The following PRKN variants were observed in gnomAD, a reference collection of about 807,000 sequenced individuals.
The protein encoded by PRKN is E3 ubiquitin-protein ligase parkin.
A neutral mutation model predicts 59.5 loss-of-function variants in PRKN; 56 were observed. The observed-to-expected ratio is 0.94, with a 90% CI of 0.76 to 1.18. PRKN has a LOEUF of 1.18. Ranked by LOEUF, PRKN falls within the 50% of genes most tolerant of loss-of-function variation. The probability of loss-of-function intolerance (pLI) is 0.00; values close to 1 mark genes in which losing one functional copy is unlikely to be tolerated. For missense variants in PRKN, 657 were observed against 596.4 expected (o/e 1.10, Z -1.06); for synonymous variants, 250 against 222.1 (o/e 1.13, Z -1.12).
intron 2 of PRKN, among the ~76,000 whole-genome samples, chr6:162,281,616 T>G (rs954581172): frequency 1.3e-5 from 2 of 152,110 alleles, no homozygotes; most frequent in African/African-American, 4.8e-5. Context: ...AATCTTTGTT[T>G]TGGAATATGA....
intron 2 of PRKN, among the ~76,000 whole-genome samples, chr6:162,360,803 C>T (rs1282438622): frequency 2.6e-5 from 4 of 152,096 alleles, no homozygotes; most frequent in Non-Finnish European, 4.4e-5. Context: ...CTCTGCTTAG[C>T]GATGGAGTTA....
intron 6 of PRKN, among the ~76,000 whole-genome samples, chr6:161,835,239 G>T (rs1411119329): frequency 1.3e-5 from 2 of 152,120 alleles, no homozygotes; most frequent in Non-Finnish European, 2.9e-5. Flanking sequence ...TAACCCACAG[G>T]ATGGGATGCT....
intron 1 of PRKN, among the ~76,000 whole-genome samples, chr6:162,558,424 G>A (rs1298173025): frequency 6.7e-6 from 1 of 150,068 alleles, no homozygotes; most frequent in African/African-American, 2.4e-5. Flanking sequence ...CCGCCTCCTG[G>A]GTTCAAGCGA....
chr6:162,656,702 A>G (rs1340149081), intron 1 of PRKN, among the ~76,000 whole-genome samples: 1 of 152,134 alleles, frequency 6.6e-6, no homozygotes, highest in Admixed American at 6.5e-5. Flanking sequence ...TCTTATGACC[A>G]CCACCATCCC....
intron 1 of PRKN, among the ~76,000 whole-genome samples, chr6:162,539,967 G>A (rs1206178442): frequency 6.6e-6 from 1 of 152,158 alleles, no homozygotes; most frequent in Non-Finnish European, 1.5e-5. Context: ...CTGTCGCCCA[G>A]GCTAGAGTGC....
chr6:162,486,339 A>G (rs1792540152), intron 1 of PRKN, among the ~76,000 whole-genome samples: 1 of 152,212 alleles, frequency 6.6e-6, no homozygotes, highest in Non-Finnish European at 1.5e-5. Flanking sequence ...TTTGTACTCA[A>G]TAATGCACAA....
intron 6 of PRKN, among the ~76,000 whole-genome samples, chr6:161,910,004 G>T (rs1024894092): frequency 6.6e-6 from 1 of 152,162 alleles, no homozygotes; most frequent in Non-Finnish European, 1.5e-5. Context: ...GCAACATGAA[G>T]GGGAATTTGG....
At chr6:161,918,246 C>T (rs1778648905) in intron 6 of PRKN, among the ~76,000 whole-genome samples, 3 of 152,190 alleles carry the variant, frequency 2.0e-5, no homozygotes, top group African/African-American at 7.2e-5. Flanking sequence ...CCACGCAGAA[C>T]ATCGTCATTG....
At chr6:161,779,750 TTTGA>T (rs1448781542) in intron 7 of PRKN, among the ~76,000 whole-genome samples, 3 of 152,126 alleles carry the variant, frequency 2.0e-5, no homozygotes, top group Non-Finnish European at 4.4e-5. Context: ...GACTATAAAC[TTTGA>T]TTTTCTATTT....
intron 1 of PRKN, among the ~76,000 whole-genome samples, chr6:162,719,647 T>G (rs1021882103): frequency 6.6e-6 from 1 of 152,136 alleles, no homozygotes; most frequent in Non-Finnish European, 1.5e-5. Context: ...AGGGAATGTC[T>G]CCAGTAGGAG....
intron 7 of PRKN, among the ~76,000 whole-genome samples, chr6:161,606,773 A>G (rs991552185): frequency 6.6e-6 from 1 of 152,222 alleles, no homozygotes; most frequent in Non-Finnish European, 1.5e-5. Flanking sequence ...CAGAGAAAAG[A>G]AAGGGCCCAA....
At position 161,576,730 on chromosome 6, in the gene PRKN, A is replaced by T. The variant is rs1232170039; in HGVS notation, c.872-7314T>A. Reference sequence around the variant, plus strand: ...TAGCACTGTGTGGAAAAGAGAAAATACAACAGTATAAAGGGCAGGGTTGGC... The same window carrying T: ...TAGCACTGTGTGGAAAAGAGAAAATTCAACAGTATAAAGGGCAGGGTTGGC... On this transcript the variant is annotated intron_variant, in intron 7 of 11. Coordinates refer to ENST00000366898, the MANE Select transcript of PRKN (RefSeq NM_004562.3). The surrounding 1 kb of genome is among the most constrained non-coding windows in gnomAD (Gnocchi z 4.6). Among the ~76,000 whole-genome samples the T allele has an allele frequency of 6.6e-6, 1 of 152,226 alleles. No individual in the cohort carries two copies. The highest frequency in any genetic ancestry group is 2.4e-5 in the African/African-American group (1 of 41,464).
rs752711510 is a variant in PRKN, at chr6:161,786,870, T to G, written c.735-962A>C. On this transcript the variant is annotated intron_variant, in intron 6 of 11. Transcript: ENST00000366898. ...ATGGGATTACTAATTAATCAATATA[T>G]ATAAATCCTAATTTTTTTTATCCCT... Among the ~76,000 whole-genome samples, 38 of 151,382 alleles carry G rather than the reference T, an allele frequency of 2.5e-4. 1 individual carries two copies. Among genetic ancestry groups the G allele is most frequent in the African/African-American group, 8.7e-4 (36 of 41,388 alleles).
chr6:161,654,457 C>T (rs1177105643), intron 7 of PRKN, among the ~76,000 whole-genome samples: 1 of 152,108 alleles, frequency 6.6e-6, no homozygotes, highest in African/African-American at 2.4e-5. Flanking sequence ...GAAGCCTGGC[C>T]CCTGCAATGC....
chr6:162,599,877 G>A (rs1423608337), intron 1 of PRKN, among the ~76,000 whole-genome samples: 1 of 152,050 alleles, frequency 6.6e-6, no homozygotes, highest in Non-Finnish European at 1.5e-5. Context: ...TTCTAAAGGT[G>A]GAAATCCTAA....
intron 6 of PRKN, among the ~76,000 whole-genome samples, chr6:161,858,438 C>T (rs73016555): frequency 1.4e-4 from 22 of 152,172 alleles, no homozygotes; most frequent in South Asian, 2.1e-4. Context: ...ACTTAGATTT[C>T]GGTAACATGT....
At chr6:161,658,607 G>A (rs1334164206) in intron 7 of PRKN, among the ~76,000 whole-genome samples, 1 of 152,058 alleles carries the variant, frequency 6.6e-6, no homozygotes, top group East Asian at 1.9e-4. Context: ...GTCTTTACCG[G>A]TACAAAAAAT....
intron 3 of PRKN, among the ~76,000 whole-genome samples, chr6:162,239,484 G>A (rs1285310783): frequency 6.6e-6 from 1 of 151,728 alleles, no homozygotes; most frequent in Non-Finnish European, 1.5e-5. Flanking sequence ...ATGGTTAAGC[G>A]GCAAGCCCAG....
chr6:162,222,652 A>C (rs1777985370), intron 3 of PRKN, among the ~76,000 whole-genome samples: 1 of 152,148 alleles, frequency 6.6e-6, no homozygotes, highest in Non-Finnish European at 1.5e-5. Flanking sequence ...CCCTGAGTGG[A>C]GGATGCAGTT....
Sources: gnomAD v4.1 joint callset for allele counts (sites outside exome capture counted in the v4.1 genomes callset) on GRCh38, gnomAD v4.1.1 for gene constraint, Gnocchi (gnomAD v3.1) non-coding constraint, MANE v1.5 for transcripts, NCBI Gene and HGNC (gene_info 2026-07-23, HGNC 2026-07-21) for gene names.